Variants in IQCM observed in about 807,000 individuals in gnomAD.
IQCM encodes IQ motif containing M, also known as IQ domain-containing protein M.
A neutral mutation model predicts 57.6 loss-of-function variants in IQCM; 45 were observed. That is an observed-to-expected ratio of 0.78 (90% CI 0.62 to 1.00). IQCM has a LOEUF of 1.00. IQCM is among the 50% of genes least tolerant of loss of function. The pLI, the probability that IQCM is intolerant of heterozygous loss-of-function variation, is 0.00. For synonymous variants in IQCM, 148 were observed against 158.9 expected, an observed-to-expected ratio of 0.93 and a Z score of 0.51; for missense variants, 468 against 511.6, an observed-to-expected ratio of 0.91 and a Z score of 0.82.
rs771451222 is a variant in IQCM at position 149,770,147 on chromosome 4, C to T, written c.-48-27408G>A. ...ACAATAAAAAAAGGGGGCATTGCTACAGATTCTACAGAAAGTTAAATAAGT... is the reference window on the plus strand; with the variant it reads ...ACAATAAAAAAAGGGGGCATTGCTATAGATTCTACAGAAAGTTAAATAAGT... On this transcript the variant is annotated intron_variant, in intron 2 of 13. Coordinates refer to ENST00000636793, the MANE Select transcript of IQCM (RefSeq NM_001363507.2). 8.8e-5 allele frequency among the ~76,000 whole-genome samples: 13 copies of T among 148,218 alleles called. 1 individual carries two copies. The highest frequency in any genetic ancestry group is 1.7e-4 in the Non-Finnish European group (11 of 65,496).
At chr4:149,599,293 A>G (rs892646135) in intron 8 of IQCM, among the ~76,000 whole-genome samples, 6 of 152,338 alleles carry the variant, frequency 3.9e-5, no homozygotes, top group South Asian at 2.1e-4. Context: ...AATGGATCAC[A>G]AAAATACATT....
intron 2 of IQCM, among the ~76,000 whole-genome samples, chr4:149,755,832 A>G (rs1461760343): frequency 1.3e-5 from 2 of 152,198 alleles, no homozygotes; most frequent in African/African-American, 4.8e-5. Flanking sequence ...AAATGTGGTC[A>G]AAATAAGTGC....
intron 13 of IQCM, among the ~76,000 whole-genome samples, chr4:149,416,459 G>A (rs551969846): frequency 6.6e-6 from 1 of 152,002 alleles, no homozygotes; most frequent in Non-Finnish European, 1.5e-5. Context: ...TCATAAGGCA[G>A]TGTTTCTCAA....
At chr4:149,528,806 G>A (rs1746440391) in intron 12 of IQCM, among the ~76,000 whole-genome samples, 1 of 152,100 alleles carries the variant, frequency 6.6e-6, no homozygotes, top group Non-Finnish European at 1.5e-5. Context: ...GACAGACAGT[G>A]TACCTTGCAC....
At chr4:149,474,243 G>A (rs571148597) in intron 12 of IQCM, among the ~76,000 whole-genome samples, 1 of 152,070 alleles carries the variant, frequency 6.6e-6, no homozygotes, top group East Asian at 1.9e-4. Context: ...GAGATCAGGA[G>A]AGAGGACTAT....
intron 12 of IQCM, among the ~76,000 whole-genome samples, chr4:149,453,394 A>G (rs1349133137): frequency 6.6e-6 from 1 of 151,848 alleles, no homozygotes; most frequent in East Asian, 1.9e-4. Flanking sequence ...AAAGAAACAA[A>G]AAACAGGCTT....
At chr4:149,714,340 C>T (rs555862472) in intron 5 of IQCM, among the ~76,000 whole-genome samples, 1 of 152,304 alleles carries the variant, frequency 6.6e-6, no homozygotes, top group African/African-American at 2.4e-5. Context: ...ACTACTCAGA[C>T]TTCTCTAACT....
chr4:149,481,708 T>TTTTTTTTTGTTTGTTTG (rs1740877645), intron 12 of IQCM, among the ~76,000 whole-genome samples: 2 of 134,710 alleles, frequency 1.5e-5, no homozygotes, highest in African/African-American at 5.4e-5. Context: ...TTTGTTTTTT[T>TTTTTTTTTGTTTGTTTG]TTTTTTTTTT....
intron 2 of IQCM, among the ~76,000 whole-genome samples, chr4:149,756,758 G>A (rs1057385355): frequency 6.6e-6 from 1 of 152,162 alleles, no homozygotes; most frequent in East Asian, 1.9e-4. Context: ...GCACAAAAAG[G>A]AGGAGTTAGT....
At chr4:149,594,090 A>T (rs1183501152) in intron 8 of IQCM, among the ~76,000 whole-genome samples, 1 of 152,036 alleles carries the variant, frequency 6.6e-6, no homozygotes, top group African/African-American at 2.4e-5. Context: ...CCGGTCCCGG[A>T]CTATTTTTGA....
In IQCM at chr4:149,533,215, A is replaced by G. The variant is rs1316547936; in HGVS notation, c.1228+15240T>C. Among the ~76,000 whole-genome samples, 5 of 152,288 alleles carry G rather than the reference A, an allele frequency of 3.3e-5. No individual in the cohort carries two copies. The East Asian group carries it at 9.6e-4, about 29-fold the overall frequency. Reference sequence around the variant, plus strand: ...TGTGTCATTTGTTAATGTTTATTCTACATGTGATAGGAAGGATTGAGAGAA... The same window carrying G: ...TGTGTCATTTGTTAATGTTTATTCTGCATGTGATAGGAAGGATTGAGAGAA... On this transcript the variant is annotated intron_variant, in intron 12 of 13. Coordinates refer to ENST00000636793, the MANE Select transcript of IQCM (RefSeq NM_001363507.2).
intron 2 of IQCM, among the ~76,000 whole-genome samples, chr4:149,811,289 A>C (rs1774544724): frequency 6.6e-6 from 1 of 152,126 alleles, no homozygotes; most frequent in Non-Finnish European, 1.5e-5. Context: ...AAATTATTTA[A>C]CTGAGTAATT....
At chr4:149,455,300 C>T (rs949031282) in intron 12 of IQCM, among the ~76,000 whole-genome samples, 1 of 151,910 alleles carries the variant, frequency 6.6e-6, no homozygotes, top group Non-Finnish European at 1.5e-5. Flanking sequence ...CAGGATTTAC[C>T]CCAAACTACC....
chr4:149,651,054 A>G (rs1759127710), intron 7 of IQCM, among the ~76,000 whole-genome samples: 1 of 152,202 alleles, frequency 6.6e-6, no homozygotes, highest in Admixed American at 6.5e-5. Context: ...GAAGACATCC[A>G]TAACCCTAAA....
chr4:149,586,694 A>G (rs1752675215), intron 9 of IQCM, among the ~76,000 whole-genome samples: 1 of 151,590 alleles, frequency 6.6e-6, no homozygotes, highest in African/African-American at 2.4e-5. Flanking sequence ...TATAACTGTC[A>G]TTTTTGGCAA....
At chr4:149,587,795 G>A (rs1752776459) in intron 9 of IQCM, 135 bp downstream of exon 9, 2 of 404,208 alleles carry the variant, frequency 4.9e-6, no homozygotes, top group Admixed American at 9.0e-5. Flanking sequence ...AGGCCACATT[G>A]AAAAATATGT....
At chr4:149,683,768 T>C (rs748054622) in intron 6 of IQCM, among the ~76,000 whole-genome samples, 1 of 151,410 alleles carries the variant, frequency 6.6e-6, no homozygotes, top group Non-Finnish European at 1.5e-5. Context: ...TGAAAGATTC[T>C]AATGGAAGTA....
chr4:149,746,048 A>T (rs1168288186), intron 2 of IQCM, among the ~76,000 whole-genome samples: 2 of 152,124 alleles, frequency 1.3e-5, no homozygotes, highest in Non-Finnish European at 2.9e-5. Context: ...GCAAAAAAAA[A>T]AAAAAGCCTT....
At chr4:149,505,833 T>A (rs1221941605) in intron 12 of IQCM, among the ~76,000 whole-genome samples, 1 of 152,340 alleles carries the variant, frequency 6.6e-6, no homozygotes, top group East Asian at 1.9e-4. Context: ...TATATAATCA[T>A]GTACACATTT....
Sources: allele counts gnomAD v4.1 joint callset (sites outside exome capture counted in the v4.1 genomes callset), GRCh38; gene constraint gnomAD v4.1.1; transcripts MANE v1.5; gene names NCBI Gene and HGNC (gene_info 2026-07-23, HGNC 2026-07-21).